The following CMSS1 variants were observed in gnomAD, a reference collection of about 807,000 sequenced individuals.
CMSS1 encodes protein CMSS1.
CMSS1 carries 33 observed loss-of-function variants against 43.5 expected under a neutral mutation model. The observed-to-expected ratio is 0.76, with a 90% CI of 0.57 to 1.01. CMSS1 has a LOEUF of 1.01. Ranked by LOEUF, CMSS1 falls within the 50% of genes least tolerant of loss-of-function variation. The pLI, the probability that CMSS1 is intolerant of heterozygous loss-of-function variation, is 0.00. For missense variants in CMSS1, 313 were observed against 326.4 expected (o/e 0.96, Z 0.32); for synonymous variants, 115 against 117.2 (o/e 0.98, Z 0.12).
chr3:100,023,290 A>G (rs947397550), intron 1 of CMSS1: 3 of 152,634 alleles, frequency 2.0e-5, no homozygotes, highest in Non-Finnish European at 4.4e-5. Context: ...TCAAAATGCT[A>G]TGACAACTGA....
chr3:99,825,915 C>G (rs1368303307), intron 1 of CMSS1, among the ~76,000 whole-genome samples: 2 of 151,588 alleles, frequency 1.3e-5, no homozygotes, highest in African/African-American at 4.9e-5. Context: ...GTAGCTGGGA[C>G]TACAGGTGCA....
intron 1 of CMSS1, among the ~76,000 whole-genome samples, chr3:100,117,825 GTATATATATATATATATATA>G (rs1166983737): frequency 1.3e-5 from 1 of 75,140 alleles, no homozygotes; most frequent in South Asian, 4.3e-4. Context: ...ATAAACTGCA[GTATATATATATATATATATA>G]TATATATACA....
intron 1 of CMSS1, among the ~76,000 whole-genome samples, chr3:99,841,596 T>A (rs887677082): frequency 6.6e-6 from 1 of 152,164 alleles, no homozygotes; most frequent in African/African-American, 2.4e-5. Flanking sequence ...TATTTGTATA[T>A]TGTAGTTGTC....
intron 1 of CMSS1, among the ~76,000 whole-genome samples, chr3:99,872,858 C>T (rs1488413678): frequency 1.3e-5 from 2 of 151,740 alleles, no homozygotes; most frequent in African/African-American, 4.8e-5. Context: ...TTTTGTTTGC[C>T]CAGCTTTCCC....
At chr3:99,832,421 G>A (rs1279752336) in intron 1 of CMSS1, among the ~76,000 whole-genome samples, 2 of 149,928 alleles carry the variant, frequency 1.3e-5, no homozygotes, top group East Asian at 2.0e-4. Context: ...TAGTAGAGAC[G>A]GGGTTTCACT....
intron 2 of CMSS1, among the ~76,000 whole-genome samples, chr3:100,160,228 G>T (rs560891439): frequency 6.6e-6 from 1 of 151,962 alleles, no homozygotes; most frequent in Admixed American, 6.6e-5. Flanking sequence ...AGTCATCTGC[G>T]CTTTCTGACT....
At position 99,905,276 on chromosome 3, in the gene CMSS1, TCAC is replaced by T. The variant is rs145486073; in HGVS notation, c.64+87237_64+87239del. Among the ~76,000 whole-genome samples the T allele has an allele frequency of 4.1e-3, 622 of 152,330 alleles. 7 individuals are homozygous for T. Among genetic ancestry groups the T allele is most frequent in the African/African-American group, 0.015 (609 of 41,584 alleles). ...TGCTGAAACTCCCAAATTTTTACCTTCACCACTGCTGGCCTGAGTTCCATCTAG... is the reference window on the plus strand; with the variant it reads ...TGCTGAAACTCCCAAATTTTTACCTTCACTGCTGGCCTGAGTTCCATCTAG... On this transcript the variant is annotated intron_variant, in intron 1 of 9. Coordinates refer to ENST00000421999, the MANE Select transcript of CMSS1 (RefSeq NM_032359.4).
intron 6 of CMSS1, among the ~76,000 whole-genome samples, chr3:100,169,019 G>A (rs2067088650): frequency 6.6e-6 from 1 of 151,930 alleles, no homozygotes; most frequent in Admixed American, 6.6e-5. Flanking sequence ...TGAAAGTTCA[G>A]GATCAGACCC....
intron 1 of CMSS1, among the ~76,000 whole-genome samples, chr3:100,045,761 G>C (rs1241865857): frequency 2.0e-5 from 3 of 152,224 alleles, no homozygotes; most frequent in Non-Finnish European, 4.4e-5. Context: ...CAGCTTTGCT[G>C]TGAATGTGGG....
intron 1 of CMSS1, among the ~76,000 whole-genome samples, chr3:100,063,421 GTAT>G (rs969883686): frequency 2.0e-4 from 30 of 151,864 alleles, no homozygotes; most frequent in African/African-American, 7.3e-4. Context: ...TATTATTATA[GTAT>G]TATTATCTGA....
rs1331893306 is a variant in CMSS1 at position 100,180,718 on chromosome 3, TCTG to T, written c.*2331_*2333del. Reference sequence around the variant, plus strand: ...AACATCCCTCATATTCCTGTCTTCTTCTGATCCTTCCAAACTGTTGCAACTTCT... The same window carrying T: ...AACATCCCTCATATTCCTGTCTTCTTATCCTTCCAAACTGTTGCAACTTCT... On this transcript the variant is annotated 3_prime_UTR_variant, in exon 10 of 10. Coordinates refer to ENST00000421999, the MANE Select transcript of CMSS1 (RefSeq NM_032359.4). 1.3e-5 allele frequency: 2 copies of T among 152,252 alleles called. No homozygotes were observed. Among genetic ancestry groups the T allele is most frequent in the Non-Finnish European group, 2.9e-5 (2 of 68,052 alleles). The allele number at this position is 152,252 out of a possible 1,614,324, so 9.4% of individuals were successfully genotyped here. A position where few individuals can be genotyped will look rare whatever the true frequency, so the allele number is the denominator to read the frequency against.
chr3:99,942,807 C>T (rs751052073), intron 1 of CMSS1, among the ~76,000 whole-genome samples: 3 of 150,890 alleles, frequency 2.0e-5, no homozygotes, highest in Non-Finnish European at 2.9e-5. Flanking sequence ...CTAGCCTCGG[C>T]GACAGAGTGT....
intron 1 of CMSS1, among the ~76,000 whole-genome samples, chr3:100,045,580 A>G (rs998738168): frequency 6.6e-6 from 1 of 152,062 alleles, no homozygotes. Flanking sequence ...TTTATCTTAA[A>G]TGGGACATTT....
Position 100,178,316 on chromosome 3 carries a change from G to A in CMSS1, c.768G>A (p.Glu256=). The A allele has an allele frequency of 6.2e-7, 1 of 1,609,564 alleles. No individual in the cohort carries two copies. Residue 256 remains glutamate (E), a synonymous_variant, in exon 10 of 10, where the codon GAG becomes GAA. Transcript: ENST00000421999. ...RMMDIPEIRK[E]VFELLEMGVL... is the part of the protein sequence containing the mutation. Reference sequence around the variant, plus strand: ...TTTCTCTCATTTAGATAAGAAAGGAGGTATTCGAACTTCTGGAAATGGGAG... The same window carrying A: ...TTTCTCTCATTTAGATAAGAAAGGAAGTATTCGAACTTCTGGAAATGGGAG...
chr3:99,838,394 G>A (rs1291139769), intron 1 of CMSS1, among the ~76,000 whole-genome samples: 5 of 152,222 alleles, frequency 3.3e-5, no homozygotes, highest in Non-Finnish European at 5.9e-5. Context: ...TTTCAGAAGA[G>A]GCGAGCATTG....
At chr3:100,003,262 G>A (rs1208740211) in intron 1 of CMSS1, among the ~76,000 whole-genome samples, 2 of 152,116 alleles carry the variant, frequency 1.3e-5, no homozygotes, top group South Asian at 2.1e-4. Flanking sequence ...GTTAGAACTG[G>A]CAAGTTACAC....
chr3:99,892,681 C>T (rs914849680), intron 1 of CMSS1, among the ~76,000 whole-genome samples: 2 of 152,128 alleles, frequency 1.3e-5, no homozygotes, highest in Non-Finnish European at 2.9e-5. Context: ...TCTTTAGGAG[C>T]CAGTAAGCCT....
chr3:100,068,833 G>A (rs191002997), intron 1 of CMSS1, among the ~76,000 whole-genome samples: 25 of 152,246 alleles, frequency 1.6e-4, no homozygotes, highest in African/African-American at 5.5e-4. Context: ...TCACCATGTT[G>A]GCCAGGCTGG....
intron 1 of CMSS1, among the ~76,000 whole-genome samples, chr3:99,864,753 C>T (rs1320228566): frequency 1.3e-5 from 2 of 152,052 alleles, no homozygotes; most frequent in African/African-American, 2.4e-5. Flanking sequence ...AAACAGAACA[C>T]GGCATGGTGT....
Sources: gnomAD v4.1 joint callset for allele counts (sites outside exome capture counted in the v4.1 genomes callset) on GRCh38, gnomAD v4.1.1 for gene constraint, MANE v1.5 for transcripts, NCBI Gene and HGNC (gene_info 2026-07-23, HGNC 2026-07-21) for gene names.